The following RALGPS2 variants were observed in gnomAD, a reference collection of about 807,000 sequenced individuals.
RALGPS2 encodes the protein ras-specific guanine nucleotide-releasing factor RalGPS2.
In RALGPS2, 43 loss-of-function variants were observed where a neutral mutation model predicts 86.8. That is an observed-to-expected ratio of 0.50 (90% CI 0.39 to 0.64). The LOEUF is 0.64. Ranked by LOEUF, RALGPS2 falls within the 30% of genes least tolerant of loss-of-function variation. RALGPS2 has a pLI of 0.00. For synonymous variants in RALGPS2, 243 were observed against 231.3 expected (o/e 1.05, Z -0.46); for missense variants, 536 against 694.6 (o/e 0.77, Z 2.57).
intron 7 of RALGPS2, among the ~76,000 whole-genome samples, chr1:178,822,028 C>T (rs972556634): frequency 2.6e-5 from 4 of 152,034 alleles, no homozygotes; most frequent in East Asian, 3.8e-4. Context: ...TGCATTTAAT[C>T]GTAAAGATTA....
chr1:178,784,393 G>A (rs201897587), intron 2 of RALGPS2, 25 bp from the exon 3 acceptor site: 1 of 1,561,458 alleles, frequency 6.4e-7, no homozygotes, highest in South Asian at 1.2e-5. Flanking sequence ...TATGTAAAAG[G>A]CTGCATTTTC....
At chr1:178,888,104 A>G (rs189066034) in intron 13 of RALGPS2, among the ~76,000 whole-genome samples, 285 of 152,194 alleles carry the variant, frequency 1.9e-3, no homozygotes, top group Non-Finnish European at 2.8e-3. Flanking sequence ...TTAGTGTCTC[A>G]GTGTGGAGAC....
chr1:178,769,337 C>G (rs999187923), intron 1 of RALGPS2, among the ~76,000 whole-genome samples: 1 of 152,042 alleles, frequency 6.6e-6, no homozygotes, highest in African/African-American at 2.4e-5. Flanking sequence ...CAAGCAGGTG[C>G]TCCAAATGCT....
At chr1:178,799,240 C>T (rs533896081) in intron 4 of RALGPS2, among the ~76,000 whole-genome samples, 24 of 152,136 alleles carry the variant, frequency 1.6e-4, no homozygotes, top group Non-Finnish European at 2.4e-4. Flanking sequence ...GGGGTTTCAC[C>T]GTGTTGGCCA....
At chr1:178,851,973 T>C (rs142800012) in intron 8 of RALGPS2, among the ~76,000 whole-genome samples, 2 of 152,196 alleles carry the variant, frequency 1.3e-5, no homozygotes, top group African/African-American at 2.4e-5. Flanking sequence ...AAATTTGAAA[T>C]TATGTGGATG....
intron 8 of RALGPS2, among the ~76,000 whole-genome samples, chr1:178,868,882 A>G (rs1658576977): frequency 6.6e-6 from 1 of 152,060 alleles, no homozygotes; most frequent in South Asian, 2.1e-4. Context: ...CAGGGCAAGG[A>G]GCCACATTTC....
chr1:178,865,734 G>A (rs147201688), intron 8 of RALGPS2: 1 of 1,612,832 alleles, frequency 6.2e-7, no homozygotes, highest in Non-Finnish European at 8.5e-7. Context: ...GTGTCCACTA[G>A]TAGGAAGAAT....
At chr1:178,744,830 A>AAAAG (rs1365624509) in intron 1 of RALGPS2, among the ~76,000 whole-genome samples, 6 of 151,726 alleles carry the variant, frequency 4.0e-5, no homozygotes, top group African/African-American at 1.5e-4. Flanking sequence ...AAAAAAAAAA[A>AAAAG]AAAAAAAGAA....
chr1:178,739,415 C>A lies in RALGPS2; in HGVS notation c.-84+13996C>A, dbSNP rs976505050. ...TTTGTGTCAGATTGAAGAGCATTAG[C>A]AGGTCACAGAAGAAGAGGCTCAGTG... On this transcript the variant is annotated intron_variant, in intron 1 of 19. Coordinates refer to ENST00000367635, the MANE Select transcript of RALGPS2 (RefSeq NM_152663.5). Among the ~76,000 whole-genome samples the A allele has an allele frequency of 1.1e-4, 16 of 152,096 alleles. 1 individual carries two copies. The highest frequency in any genetic ancestry group is 4.6e-4 in the Admixed American group (7 of 15,262).
chr1:178,731,260 C>A (rs1047368432), intron 1 of RALGPS2, among the ~76,000 whole-genome samples: 1 of 82,662 alleles, frequency 1.2e-5, no homozygotes, highest in Non-Finnish European at 2.6e-5. Flanking sequence ...TTATACTTTT[C>A]TAGTTGTTTT....
rs761407856 is a variant in RALGPS2 at position 178,885,120 on chromosome 1, G to A, written c.949G>A (p.Ala317Thr). The change falls in exon 12 of 20, where the codon GCA (alanine) becomes ACA (threonine). Residue 317 changes from alanine to threonine, a missense_variant. Physicochemically the swap from Ala to Thr is moderately conservative, Grantham distance 58. Coordinates refer to ENST00000367635, the MANE Select transcript of RALGPS2 (RefSeq NM_152663.5). Reference protein sequence around the residue: ...ASPQSGRKSVAAEGALLPQTP... With the variant: ...ASPQSGRKSVTAEGALLPQTP... ...TCCACAGAGTGGACGAAAAAGTGTG[G>A]CAGCTGAAGGAGCCTTGCTCCCACA... The A allele has an allele frequency of 1.2e-6, 2 of 1,612,226 alleles. No individual in the cohort carries two copies. The highest frequency in any genetic ancestry group is 1.3e-5 in the African/African-American group (1 of 74,950).
chr1:178,902,991 C>A (rs866366362), intron 18 of RALGPS2, among the ~76,000 whole-genome samples: 4 of 152,010 alleles, frequency 2.6e-5, no homozygotes, highest in African/African-American at 4.8e-5. Context: ...CATGTATAAT[C>A]ACATCATATG....
At position 178,916,548 on chromosome 1, in the gene RALGPS2, G is replaced by T. The variant is rs935267055; in HGVS notation, c.*189G>T. 8.7e-6 allele frequency: 5 copies of T among 575,746 alleles called. No homozygotes were observed. The highest frequency in any genetic ancestry group is 1.5e-5 in the Non-Finnish European group (5 of 335,226). 35.7% of individuals were successfully genotyped at this position (575,746 alleles called of 1,614,324 possible). On this transcript the variant is annotated 3_prime_UTR_variant, in exon 20 of 20. Coordinates refer to ENST00000367635, the MANE Select transcript of RALGPS2 (RefSeq NM_152663.5). ...TGAGATATTCCCAGAGAACAAATTG[G>T]AGTTGCAAAACAAACTGCCATGAAC...
chr1:178,845,037 C>G (rs1465985724), intron 8 of RALGPS2, among the ~76,000 whole-genome samples: 1 of 150,510 alleles, frequency 6.6e-6, no homozygotes, highest in Non-Finnish European at 1.5e-5. Context: ...AAAAAATTAG[C>G]TGGGTGTGGT....
At chr1:178,735,113 GATAA>G (rs1479606535) in intron 1 of RALGPS2, among the ~76,000 whole-genome samples, 1 of 152,102 alleles carries the variant, frequency 6.6e-6, no homozygotes, top group Non-Finnish European at 1.5e-5. Flanking sequence ...AAAAAAAGGG[GATAA>G]ATAATTTGTG....
chr1:178,728,082 G>C (rs764082496), intron 1 of RALGPS2, among the ~76,000 whole-genome samples: 4 of 152,160 alleles, frequency 2.6e-5, no homozygotes, highest in Non-Finnish European at 4.4e-5. Flanking sequence ...CATTCTACCT[G>C]AAGTCAGATG....
chr1:178,746,858 C>T lies in RALGPS2; in HGVS notation c.-84+21439C>T, dbSNP rs528316696. Reference sequence around the variant, plus strand: ...TTGCATTTTAGAGGAAAGTCCTGTACGTCAGTCACCTGTCAGTTTTTCTTC... The same window carrying T: ...TTGCATTTTAGAGGAAAGTCCTGTATGTCAGTCACCTGTCAGTTTTTCTTC... On this transcript the variant is annotated intron_variant, in intron 1 of 19. Transcript: ENST00000367635. The T allele has an allele frequency of 5.1e-6, 6 of 1,173,550 alleles. No homozygotes were observed. In the East Asian group the frequency reaches 7.0e-5, roughly 14 times the overall value. The allele number at this position is 1,173,550 out of a possible 1,614,324, so 72.7% of individuals were successfully genotyped here.
intron 19 of RALGPS2, 95 bp downstream of exon 19, chr1:178,906,962 T>C: frequency 9.3e-7 from 1 of 1,075,834 alleles, no homozygotes; most frequent in Non-Finnish European, 1.4e-6. Flanking sequence ...CTGAATTAAC[T>C]AGGAGAATGG....
chr1:178,838,450 T>C (rs1189059795), intron 8 of RALGPS2, among the ~76,000 whole-genome samples: 1 of 152,198 alleles, frequency 6.6e-6, no homozygotes, highest in Non-Finnish European at 1.5e-5. Context: ...CCAACAGACC[T>C]GCAGCTGCGG....
Sources: gnomAD v4.1 joint callset for allele counts (sites outside exome capture counted in the v4.1 genomes callset) on GRCh38, gnomAD v4.1.1 for gene constraint, MANE v1.5 for transcripts, NCBI Gene and HGNC (gene_info 2026-07-23, HGNC 2026-07-21) for gene names.